UBE2J1: variants seen among roughly 807,000 people sequenced by gnomAD.
UBE2J1 encodes the protein ubiquitin conjugating enzyme E2 J1.
UBE2J1 carries 17 observed loss-of-function variants against 42.1 expected under a neutral mutation model. The observed-to-expected ratio is 0.40, with a 90% CI of 0.28 to 0.61. The LOEUF is 0.61. Ranked by LOEUF, UBE2J1 falls within the 20% of genes least tolerant of loss-of-function variation. UBE2J1 has a pLI of 0.38. For synonymous variants in UBE2J1, 127 were observed against 137.2 expected, an observed-to-expected ratio of 0.93 and a Z score of 0.52; for missense variants, 291 against 389.4, an observed-to-expected ratio of 0.75 and a Z score of 2.13.
intron 1 of UBE2J1, among the ~76,000 whole-genome samples, chr6:89,348,633 T>A (rs1403468576): frequency 1.3e-5 from 2 of 152,186 alleles, no homozygotes; most frequent in African/African-American, 4.8e-5. Flanking sequence ...TTAAAGAATG[T>A]CTGAGTGTTG....
In UBE2J1 at chr6:89,344,357, T is replaced by C. The variant is rs150104697; in HGVS notation, c.32-601A>G. On this transcript the variant is annotated intron_variant, in intron 1 of 7. Transcript: ENST00000435041. The stretch of plus-strand genomic sequence containing the variant: ...GACTGTCCCCTGAATTCACTGACTC[T>C]CCAAAGCCCCGATGAAATTCCTTCT... Among the ~76,000 whole-genome samples, 213 of 152,288 alleles carry C rather than the reference T, an allele frequency of 1.4e-3. 1 individual carries two copies. Among genetic ancestry groups the C allele is most frequent in the African/African-American group, 4.4e-3 (183 of 41,560 alleles).
intron 3 of UBE2J1, among the ~76,000 whole-genome samples, chr6:89,340,886 C>T (rs1768234690): frequency 6.6e-6 from 1 of 151,614 alleles, no homozygotes; most frequent in Admixed American, 6.6e-5. Flanking sequence ...CGCCATTCTC[C>T]TGCCTCAGCC....
At chr6:89,350,428 C>G (rs1396531118) in intron 1 of UBE2J1, among the ~76,000 whole-genome samples, 1 of 152,122 alleles carries the variant, frequency 6.6e-6, no homozygotes, top group African/African-American at 2.4e-5. Flanking sequence ...ACAGGCATTA[C>G]TCTAAAAATA....
chr6:89,338,660 T>G lies in UBE2J1; in HGVS notation c.238-117A>C, dbSNP rs199752433. 0.016 allele frequency: 2,390 copies of G among 152,696 alleles called. 179 individuals are homozygous for G. In the East Asian group the frequency reaches 0.18, roughly 12 times the overall value. 9.5% of individuals were successfully genotyped at this position (152,696 alleles called of 1,614,324 possible). On this transcript the variant is annotated intron_variant, in intron 3 of 7. Coordinates refer to ENST00000435041, the MANE Select transcript of UBE2J1 (RefSeq NM_016021.3). ...TAGAGATTATCTTAAAAAGTTTGTT[T>G]TTTTTTTTTTTTTTTTTTTTTTTGA...
chr6:89,349,717 C>A (rs764515073), intron 1 of UBE2J1, among the ~76,000 whole-genome samples: 1 of 152,106 alleles, frequency 6.6e-6, no homozygotes, highest in African/African-American at 2.4e-5. Flanking sequence ...CTGAGTTGGA[C>A]ATGAAACCTT....
At chr6:89,332,219 AT>A (rs1317244629) in intron 7 of UBE2J1, among the ~76,000 whole-genome samples, 1 of 152,250 alleles carries the variant, frequency 6.6e-6, no homozygotes, top group African/African-American at 2.4e-5. Flanking sequence ...AACAAAAAAA[AT>A]GTGACTACTT....
chr6:89,335,004 C>T (rs572339624), intron 6 of UBE2J1, among the ~76,000 whole-genome samples: 1 of 152,132 alleles, frequency 6.6e-6, no homozygotes, highest in Non-Finnish European at 1.5e-5. Flanking sequence ...TGAACCCTGG[C>T]ATTGTATACC....
chr6:89,336,431 C>A (rs1768106950), intron 5 of UBE2J1, among the ~76,000 whole-genome samples: 1 of 151,896 alleles, frequency 6.6e-6, no homozygotes, highest in African/African-American at 2.4e-5. Context: ...GCTAGGACCA[C>A]AGGTGTGTGC....
At chr6:89,350,336 T>G (rs1230999750) in intron 1 of UBE2J1, among the ~76,000 whole-genome samples, 1 of 152,244 alleles carries the variant, frequency 6.6e-6, no homozygotes, top group Non-Finnish European at 1.5e-5. Flanking sequence ...TTTGTTTGTC[T>G]GGTATGTTGG....
rs961981396 is a variant in UBE2J1, at chr6:89,330,909, C to T, written c.679-952G>A. On this transcript the variant is annotated intron_variant, in intron 7 of 7. Coordinates refer to ENST00000435041, the MANE Select transcript of UBE2J1 (RefSeq NM_016021.3). ...TGCTTTTTATTATAAAATGAAATGG[C>T]TTATTCAGAACCTCGATCCCTACCC... Among the ~76,000 whole-genome samples, 4 of 152,138 alleles carry T rather than the reference C, an allele frequency of 2.6e-5. No homozygotes were observed. In the South Asian group the frequency reaches 8.3e-4, roughly 31 times the overall value.
At chr6:89,331,465 T>C (rs1768007128) in intron 7 of UBE2J1, among the ~76,000 whole-genome samples, 1 of 152,204 alleles carries the variant, frequency 6.6e-6, no homozygotes, top group Admixed American at 6.5e-5. Flanking sequence ...AACTTCTTGA[T>C]TTATTTAATT....
At chr6:89,342,574 T>A in intron 2 of UBE2J1, 119 bp from the exon 3 acceptor site, 1 of 883,710 alleles carries the variant, frequency 1.1e-6, no homozygotes, top group Non-Finnish European at 1.6e-6. Flanking sequence ...ATTGCTAGTA[T>A]AGTTTCTAAT....
intron 1 of UBE2J1, among the ~76,000 whole-genome samples, chr6:89,344,817 G>A (rs1768326926): frequency 6.6e-6 from 1 of 152,182 alleles, no homozygotes; most frequent in African/African-American, 2.4e-5. Flanking sequence ...ATGAATGACT[G>A]CTAGCAGGAG....
intron 3 of UBE2J1, among the ~76,000 whole-genome samples, chr6:89,340,876 C>T (rs879202632): frequency 3.8e-4 from 58 of 151,400 alleles, no homozygotes; most frequent in Admixed American, 3.9e-4. Context: ...CCCGGGTTCA[C>T]GCCATTCTCC....
At position 89,335,697 on chromosome 6, in the gene UBE2J1, T is replaced by A. The variant is rs1431394859; in HGVS notation, c.429-266A>T. 3.3e-5 allele frequency among the ~76,000 whole-genome samples: 5 copies of A among 152,312 alleles called. No individual in the cohort carries two copies. In the East Asian group the frequency reaches 5.8e-4, roughly 18 times the overall value. ...TATCTAAAGAAAAATAAGTTTTACA[T>A]CTATACAATGAGAAAATTGTCTATT... On this transcript the variant is annotated intron_variant, in intron 5 of 7. Coordinates refer to ENST00000435041, the MANE Select transcript of UBE2J1 (RefSeq NM_016021.3).
In UBE2J1 at chr6:89,329,479, C is replaced by CTTCTAGTCCCT; in HGVS notation, c.*189_*199dup. On this transcript the variant is annotated 3_prime_UTR_variant, in exon 8 of 8. Coordinates refer to ENST00000435041, the MANE Select transcript of UBE2J1 (RefSeq NM_016021.3). ...CAAATAGTGAGACAAGGAACTTTGA[C>CTTCTAGTCCCT]TTCTAGTCCCTTTAAGCAGGACGTA... 1.7e-6 allele frequency: 1 copy of CTTCTAGTCCCT among 582,224 alleles called. No homozygotes were observed. Among genetic ancestry groups the CTTCTAGTCCCT allele is most frequent in the East Asian group, 3.0e-5 (1 of 33,006 alleles). 36.1% of individuals were successfully genotyped at this position (582,224 alleles called of 1,614,324 possible).
chr6:89,346,491 C>T (rs1458733867), intron 1 of UBE2J1, among the ~76,000 whole-genome samples: 2 of 152,116 alleles, frequency 1.3e-5, no homozygotes, highest in African/African-American at 4.8e-5. Context: ...ACACACTTTA[C>T]CTCCCCTCCA....
At chr6:89,346,649 C>T (rs920024260) in intron 1 of UBE2J1, among the ~76,000 whole-genome samples, 3 of 152,066 alleles carry the variant, frequency 2.0e-5, no homozygotes, top group Non-Finnish European at 2.9e-5. Context: ...CCCTGCCCCC[C>T]ACCCCCTACA....
intron 2 of UBE2J1, among the ~76,000 whole-genome samples, chr6:89,342,803 A>G (rs955101776): frequency 2.6e-5 from 4 of 152,176 alleles, no homozygotes; most frequent in African/African-American, 9.6e-5. Context: ...AAAAATTACT[A>G]TGTTTGGGTT....
Sources: gnomAD v4.1 joint callset for allele counts (sites outside exome capture counted in the v4.1 genomes callset) on GRCh38, gnomAD v4.1.1 for gene constraint, MANE v1.5 for transcripts, NCBI Gene and HGNC (gene_info 2026-07-23, HGNC 2026-07-21) for gene names.